The following ANKS1B variants were observed in gnomAD, a reference collection of about 807,000 sequenced individuals.
The protein encoded by ANKS1B is ankyrin repeat and sterile alpha motif domain-containing protein 1B.
ANKS1B carries 36 observed loss-of-function variants against 148.3 expected under a neutral mutation model. The observed-to-expected ratio is 0.24, with a 90% CI of 0.19 to 0.32. The LOEUF (loss-of-function observed/expected upper bound fraction) is 0.32, where lower values mean the gene tolerates loss of function less well. ANKS1B is among the 10% of genes least tolerant of loss of function. The probability of loss-of-function intolerance (pLI) is 1.00; values close to 1 mark genes in which losing one functional copy is unlikely to be tolerated. For missense variants in ANKS1B, 1,157 were observed against 1,542.6 expected, an observed-to-expected ratio of 0.75 and a Z score of 4.19; for synonymous variants, 542 against 560.8, an observed-to-expected ratio of 0.97 and a Z score of 0.47.
At chr12:99,528,626 T>C (rs1321138803) in intron 9 of ANKS1B, among the ~76,000 whole-genome samples, 1 of 152,134 alleles carries the variant, frequency 6.6e-6, no homozygotes, top group Admixed American at 6.6e-5. Flanking sequence ...ATGATTCATT[T>C]CAAAAAGATG....
intron 12 of ANKS1B, among the ~76,000 whole-genome samples, chr12:99,329,954 A>G (rs2087182871): frequency 6.6e-6 from 1 of 151,870 alleles, no homozygotes; most frequent in Non-Finnish European, 1.5e-5. Flanking sequence ...CACATTTATC[A>G]TTGTTCTTAT....
intron 17 of ANKS1B, among the ~76,000 whole-genome samples, chr12:98,999,959 T>C (rs2099931924): frequency 6.6e-6 from 1 of 152,170 alleles, no homozygotes; most frequent in Non-Finnish European, 1.5e-5. Flanking sequence ...ACGAGAGTGA[T>C]GATCTCTTCC....
intron 9 of ANKS1B, among the ~76,000 whole-genome samples, chr12:99,558,070 C>T (rs1383822165): frequency 1.3e-5 from 2 of 152,166 alleles, no homozygotes; most frequent in African/African-American, 4.8e-5. Flanking sequence ...AGCCACAACG[C>T]TACAATGGAG....
intron 9 of ANKS1B, among the ~76,000 whole-genome samples, chr12:99,521,881 T>C (rs527732126): frequency 9.2e-5 from 14 of 152,296 alleles, no homozygotes; most frequent in Non-Finnish European, 1.9e-4. Flanking sequence ...AAACACTTTC[T>C]GGCTACCACC....
At position 99,772,905 on chromosome 12, in the gene ANKS1B, C is replaced by T. The variant is rs569400745; in HGVS notation, c.1128+17G>A. On this transcript the variant is annotated intron_variant, in intron 8 of 26. Coordinates refer to ENST00000683438, the MANE Select transcript of ANKS1B (RefSeq NM_001352186.2). ...AAAGACAGACACATTATCTTCATTC[C>T]CCCCCGCCTTACTTACTACACTCTG... 2 of 1,602,226 alleles carry T rather than the reference C, an allele frequency of 1.2e-6. No individual in the cohort carries two copies. The highest frequency in any genetic ancestry group is 1.7e-6 in the Non-Finnish European group (2 of 1,174,256).
intron 8 of ANKS1B, among the ~76,000 whole-genome samples, chr12:99,693,140 T>C (rs1324876221): frequency 6.6e-6 from 1 of 151,894 alleles, no homozygotes; most frequent in Non-Finnish European, 1.5e-5. Flanking sequence ...TAAGGAAAAA[T>C]AGTATAAAGT....
At chr12:99,047,414 A>G (rs564409816) in intron 17 of ANKS1B, among the ~76,000 whole-genome samples, 1 of 152,330 alleles carries the variant, frequency 6.6e-6, no homozygotes, top group Admixed American at 6.5e-5. Flanking sequence ...AAACAAAAAA[A>G]TTTAAGAGAT....
intron 1 of ANKS1B, among the ~76,000 whole-genome samples, chr12:99,867,420 A>T (rs1825945): frequency 0.53 from 80,647 of 151,976 alleles, 22,346 homozygotes; most frequent in African/African-American, 0.62. Flanking sequence ...CGAGACTGGG[A>T]AATTTATAAA....
At chr12:99,648,350 T>C (rs1457435170) in intron 9 of ANKS1B, 1 of 1,614,116 alleles carries the variant, frequency 6.2e-7, no homozygotes, top group Non-Finnish European at 8.5e-7. Context: ...AGAGGAGAAG[T>C]GATTGACGTG....
chr12:98,932,026 A>G (rs1597149642), intron 17 of ANKS1B, among the ~76,000 whole-genome samples: 1 of 152,080 alleles, frequency 6.6e-6, no homozygotes, highest in Admixed American at 6.6e-5. Context: ...GAAGAAACCT[A>G]CCAACCTCGG....
intron 14 of ANKS1B, among the ~76,000 whole-genome samples, chr12:99,232,327 T>C (rs980957640): frequency 6.6e-6 from 1 of 152,252 alleles, no homozygotes; most frequent in Non-Finnish European, 1.5e-5. Flanking sequence ...ACATTTTAAC[T>C]ACTTAACTAT....
chr12:99,004,203 T>C (rs944764646), intron 17 of ANKS1B, among the ~76,000 whole-genome samples: 1 of 152,188 alleles, frequency 6.6e-6, no homozygotes, highest in Non-Finnish European at 1.5e-5. Context: ...AGCTGATTGT[T>C]ATATGAGAGA....
chr12:99,957,563 T>C (rs1342321756), intron 1 of ANKS1B, among the ~76,000 whole-genome samples: 1 of 152,236 alleles, frequency 6.6e-6, no homozygotes, highest in African/African-American at 2.4e-5. Context: ...ATTAAGAGCA[T>C]TGGCTTTTGA....
At chr12:99,829,031 GA>G (rs1035250909) in intron 1 of ANKS1B, among the ~76,000 whole-genome samples, 7 of 151,384 alleles carry the variant, frequency 4.6e-5, no homozygotes, top group Non-Finnish European at 8.9e-5. Context: ...CAGATACTTA[GA>G]AAAAAAAGGC....
chr12:99,630,303 G>A (rs1257994150), intron 9 of ANKS1B, among the ~76,000 whole-genome samples: 1 of 152,156 alleles, frequency 6.6e-6, no homozygotes, highest in African/African-American at 2.4e-5. Flanking sequence ...CTGATGCATT[G>A]ACACTTAGCA....
At chr12:98,993,143 T>C (rs780663381) in intron 17 of ANKS1B, among the ~76,000 whole-genome samples, 5 of 152,150 alleles carry the variant, frequency 3.3e-5, no homozygotes, top group African/African-American at 4.8e-5. Flanking sequence ...TTCTTCATAG[T>C]TGATTCTTTT....
intron 2 of ANKS1B, among the ~76,000 whole-genome samples, chr12:99,821,102 A>G (rs2082446612): frequency 6.6e-6 from 1 of 152,040 alleles, no homozygotes; most frequent in African/African-American, 2.4e-5. Context: ...TGAGCCATAA[A>G]TAATACCAAC....
At chr12:99,748,976 T>C (rs1601351338) in intron 8 of ANKS1B, among the ~76,000 whole-genome samples, 1 of 152,084 alleles carries the variant, frequency 6.6e-6, no homozygotes, top group East Asian at 1.9e-4. Context: ...CCCTCAATCA[T>C]CTGATATAGA....
Position 99,655,211 on chromosome 12 carries a change from C to G in ANKS1B, c.1129-1G>C. ...ACAAATTGATTGTAGATGAGGTTCTCTGAAATTAAATTTATATCATACCAA... is the reference window on the plus strand; with the variant it reads ...ACAAATTGATTGTAGATGAGGTTCTGTGAAATTAAATTTATATCATACCAA... On this transcript the variant is annotated splice_acceptor_variant, in intron 8 of 26. Transcript: ENST00000683438. LOFTEE classifies it high-confidence loss of function. 6.3e-7 allele frequency: 1 copy of G among 1,599,962 alleles called. No individual in the cohort carries two copies. The highest frequency in any genetic ancestry group is 8.5e-7 in the Non-Finnish European group (1 of 1,171,832).
Sources: gnomAD v4.1 joint callset for allele counts (sites outside exome capture counted in the v4.1 genomes callset) on GRCh38, gnomAD v4.1.1 for gene constraint, MANE v1.5 for transcripts, NCBI Gene and HGNC (gene_info 2026-07-23, HGNC 2026-07-21) for gene names.